ESRRG: variants seen among roughly 807,000 people sequenced by gnomAD.
ESRRG encodes estrogen-related receptor gamma.
ESRRG carries 13 observed loss-of-function variants against 44.0 expected under a neutral mutation model. That is an observed-to-expected ratio of 0.30 (90% CI 0.19 to 0.47). The LOEUF (loss-of-function observed/expected upper bound fraction) is 0.47. Among genes scored for constraint, ESRRG ranks in the 20% least tolerant of loss-of-function variants. The pLI is 1.00. For synonymous variants in ESRRG, 215 were observed against 214.6 expected, an observed-to-expected ratio of 1.00 and a Z score of -0.02; for missense variants, 395 against 580.6, an observed-to-expected ratio of 0.68 and a Z score of 3.29.
chr1:216,571,768 A>G (rs2060850562), intron 3 of ESRRG, among the ~76,000 whole-genome samples: 1 of 152,214 alleles, frequency 6.6e-6, no homozygotes, highest in South Asian at 2.1e-4. Flanking sequence ...ATTTCCTAAA[A>G]TAAAGACTAA....
At chr1:216,906,183 C>A (rs1336129891) in intron 2 of ESRRG, among the ~76,000 whole-genome samples, 2 of 152,074 alleles carry the variant, frequency 1.3e-5, no homozygotes, top group African/African-American at 4.8e-5. Flanking sequence ...AACTAGCGAG[C>A]TCTCTACCTT....
chr1:216,645,651 C>A (rs2067386713), intron 3 of ESRRG, among the ~76,000 whole-genome samples: 1 of 151,936 alleles, frequency 6.6e-6, no homozygotes, highest in Admixed American at 6.6e-5. Context: ...ACTGGAGGAT[C>A]ACTTGGGGCC....
At chr1:216,889,307 C>T (rs1265797506) in intron 2 of ESRRG, among the ~76,000 whole-genome samples, 1 of 152,238 alleles carries the variant, frequency 6.6e-6, no homozygotes, top group South Asian at 2.1e-4. Flanking sequence ...AGCCAAAATG[C>T]CTAGGAAATG....
chr1:216,746,735 T>G (rs1484181676), intron 2 of ESRRG, among the ~76,000 whole-genome samples: 1 of 152,158 alleles, frequency 6.6e-6, no homozygotes, highest in South Asian at 2.1e-4. Context: ...AATCTTCATC[T>G]CCTAACTTAA....
intron 1 of ESRRG, among the ~76,000 whole-genome samples, chr1:217,038,724 G>A (rs1224450807): frequency 2.0e-5 from 3 of 152,216 alleles, no homozygotes; most frequent in Admixed American, 6.5e-5. Context: ...CCTCTGACCT[G>A]CACTGGAGAC....
At chr1:216,939,433 T>C (rs2064834262) in intron 2 of ESRRG, 1 of 144,660 alleles carries the variant, frequency 6.9e-6, no homozygotes, top group African/African-American at 2.5e-5. Context: ...GAAAACATTA[T>C]ACCTTACTAT....
At chr1:216,633,089 C>G (rs2064566258) in intron 3 of ESRRG, among the ~76,000 whole-genome samples, 1 of 152,152 alleles carries the variant, frequency 6.6e-6, no homozygotes, top group Non-Finnish European at 1.5e-5. Context: ...ATTGTCACCA[C>G]CCTAATCCCC....
chr1:216,557,817 T>A (rs2057896533), intron 5 of ESRRG, among the ~76,000 whole-genome samples: 1 of 152,204 alleles, frequency 6.6e-6, no homozygotes, highest in Non-Finnish European at 1.5e-5. Flanking sequence ...TGCACATCTT[T>A]TAAATTTCCC....
intron 2 of ESRRG, among the ~76,000 whole-genome samples, chr1:216,675,318 C>G (rs2151462461): frequency 6.6e-6 from 1 of 152,012 alleles, no homozygotes; most frequent in African/African-American, 2.4e-5. Context: ...CGAGATCATG[C>G]CATTGCCCTC....
intron 2 of ESRRG, among the ~76,000 whole-genome samples, chr1:216,937,152 C>T (rs1460183978): frequency 6.6e-6 from 1 of 151,750 alleles, no homozygotes; most frequent in Non-Finnish European, 1.5e-5. Flanking sequence ...TTCCACTTAG[C>T]CAGCCATAAG....
intron 1 of ESRRG, among the ~76,000 whole-genome samples, chr1:217,066,726 C>A (rs1474069425): frequency 6.6e-6 from 1 of 152,176 alleles, no homozygotes; most frequent in African/African-American, 2.4e-5. Context: ...CTGTGGACTG[C>A]ATGATGTTTA....
intron 1 of ESRRG, among the ~76,000 whole-genome samples, chr1:217,055,624 G>A (rs1396430716): frequency 6.6e-6 from 1 of 152,074 alleles, no homozygotes; most frequent in African/African-American, 2.4e-5. Context: ...GTTCCTCATA[G>A]ACAAAGAATG....
At chr1:216,943,013 A>G (rs1319789670) in intron 1 of ESRRG, among the ~76,000 whole-genome samples, 1 of 151,632 alleles carries the variant, frequency 6.6e-6, no homozygotes, top group African/African-American at 2.4e-5. Flanking sequence ...TGCCTATCCT[A>G]TGCCCAACTA....
chr1:217,126,456 A>T (rs1235508733), intron 1 of ESRRG, among the ~76,000 whole-genome samples: 1 of 152,174 alleles, frequency 6.6e-6, no homozygotes, highest in East Asian at 1.9e-4. Flanking sequence ...TGTGCTGTAT[A>T]CACCCATGCC....
intron 1 of ESRRG, among the ~76,000 whole-genome samples, chr1:216,719,508 CCTT>C (rs887572017): frequency 1.3e-5 from 2 of 151,958 alleles, no homozygotes; most frequent in Non-Finnish European, 2.9e-5. Flanking sequence ...TATTTTTAAA[CCTT>C]CTTTTCTTTT....
At chr1:216,726,322 T>G (rs2087511187), upstream of ESRRG, among the ~76,000 whole-genome samples, 2 of 150,786 alleles carry the variant, frequency 1.3e-5, no homozygotes, top group Non-Finnish European at 3.0e-5. Flanking sequence ...GTTTAACCAA[T>G]TTAAAATTTT....
chr1:216,813,809 C>T (rs541887367), intron 2 of ESRRG, among the ~76,000 whole-genome samples: 5 of 152,200 alleles, frequency 3.3e-5, no homozygotes, highest in South Asian at 2.1e-4. Context: ...CTGCTTATGT[C>T]GGGGGGACAT....
chr1:217,072,662 C>T (rs2090710407), intron 1 of ESRRG, among the ~76,000 whole-genome samples: 1 of 152,046 alleles, frequency 6.6e-6, no homozygotes, highest in African/African-American at 2.4e-5. Flanking sequence ...TTCTTTTGAG[C>T]AGTCCCTTTA....
chr1:216,687,973 A>G (rs1489763277), intron 1 of ESRRG, among the ~76,000 whole-genome samples: 5 of 152,302 alleles, frequency 3.3e-5, no homozygotes, highest in Admixed American at 6.5e-5. Context: ...GGTGTCTCAA[A>G]TAGTGCCTCT....
Sources: allele counts gnomAD v4.1 joint callset (sites outside exome capture counted in the v4.1 genomes callset), GRCh38; gene constraint gnomAD v4.1.1; transcripts MANE v1.5; gene names NCBI Gene and HGNC (gene_info 2026-07-23, HGNC 2026-07-21).